CEP112: variants seen among roughly 807,000 people sequenced by gnomAD.
CEP112 encodes centrosomal protein of 112 kDa.
In CEP112, 127 loss-of-function variants were observed where a neutral mutation model predicts 153.0. That is an observed-to-expected ratio of 0.83 (90% confidence interval 0.72 to 0.96). The LOEUF (loss-of-function observed/expected upper bound fraction) is 0.96. Ranked by LOEUF, CEP112 falls within the 40% of genes least tolerant of loss-of-function variation. CEP112 has a pLI of 0.00. For missense variants in CEP112, 1,089 were observed against 1,101.2 expected, an observed-to-expected ratio of 0.99 and a Z score of 0.16; for synonymous variants, 358 against 374.4, an observed-to-expected ratio of 0.96 and a Z score of 0.51.
At chr17:65,905,690 G>C (rs1201367042) in intron 19 of CEP112, among the ~76,000 whole-genome samples, 1 of 152,214 alleles carries the variant, frequency 6.6e-6, no homozygotes, top group Non-Finnish European at 1.5e-5. Context: ...AGCACTTTGG[G>C]AGGCTGAGGC....
Position 65,950,699 on chromosome 17 carries a change from C to CTAGTAGTAG in CEP112, c.1872+10755_1872+10763dup, listed in dbSNP as rs111958511. 2.7e-3 allele frequency among the ~76,000 whole-genome samples: 391 copies of CTAGTAGTAG among 147,178 alleles called. 2 individuals carry two copies. The highest frequency in any genetic ancestry group is 7.0e-3 in the Middle Eastern group (2 of 284). On this transcript the variant is annotated intron_variant, in intron 18 of 26. Transcript: ENST00000535342. The stretch of plus-strand genomic sequence containing the variant: ...CTTTCTTTCCATTCTGGATACATTA[C>CTAGTAGTAG]TAGTAGTAGTAGTAGTAGTAGTAGT...
At chr17:65,840,780 C>T (rs1175904806) in intron 21 of CEP112, among the ~76,000 whole-genome samples, 1 of 151,806 alleles carries the variant, frequency 6.6e-6, no homozygotes, top group Non-Finnish European at 1.5e-5. Flanking sequence ...GATTAATAAC[C>T]AGAATTTATA....
intron 21 of CEP112, among the ~76,000 whole-genome samples, chr17:65,789,445 T>C (rs1234077683): frequency 6.6e-6 from 1 of 152,208 alleles, no homozygotes; most frequent in Non-Finnish European, 1.5e-5. Context: ...GCAATTTTCA[T>C]TGCTTCTTAG....
intron 17 of CEP112, among the ~76,000 whole-genome samples, chr17:65,966,832 G>A (rs2062432565): frequency 6.6e-6 from 1 of 152,158 alleles, no homozygotes; most frequent in Non-Finnish European, 1.5e-5. Flanking sequence ...TACTTCAACA[G>A]TCAGAAAGAA....
At chr17:65,732,269 CA>C (rs1413393359) in intron 23 of CEP112, among the ~76,000 whole-genome samples, 1 of 152,156 alleles carries the variant, frequency 6.6e-6, no homozygotes, top group African/African-American at 2.4e-5. Flanking sequence ...GGTTAATCAG[CA>C]GTAATTTTTT....
chr17:66,189,556 A>G (rs1290542324), intron 1 of CEP112, among the ~76,000 whole-genome samples: 1 of 151,968 alleles, frequency 6.6e-6, no homozygotes, highest in African/African-American at 2.4e-5. Flanking sequence ...GAATTGCTAT[A>G]TTGACATGCA....
chr17:66,031,074 A>G (rs1333225480), intron 12 of CEP112, among the ~76,000 whole-genome samples: 4 of 152,226 alleles, frequency 2.6e-5, no homozygotes, highest in African/African-American at 9.6e-5. Context: ...CTTTAAATGC[A>G]TACAATTCTA....
chr17:65,847,062 G>A (rs2057753585), intron 21 of CEP112, among the ~76,000 whole-genome samples: 1 of 152,182 alleles, frequency 6.6e-6, no homozygotes, highest in Non-Finnish European at 1.5e-5. Context: ...TATGGACTCT[G>A]AGGTTGGTGA....
chr17:65,709,959 C>T (rs998993969), intron 23 of CEP112, among the ~76,000 whole-genome samples: 13 of 152,138 alleles, frequency 8.5e-5, no homozygotes, highest in African/African-American at 2.9e-4. Flanking sequence ...ATTTCAGACC[C>T]CTAAGCATGG....
At chr17:66,094,967 T>C (rs1179953958) in intron 8 of CEP112, among the ~76,000 whole-genome samples, 1 of 152,124 alleles carries the variant, frequency 6.6e-6, no homozygotes, top group Non-Finnish European at 1.5e-5. Flanking sequence ...TCACACCTAT[T>C]AGAACGGCTA....
chr17:65,986,566 T>C (rs1315058577), intron 17 of CEP112, among the ~76,000 whole-genome samples: 1 of 152,176 alleles, frequency 6.6e-6, no homozygotes, highest in African/African-American at 2.4e-5. Flanking sequence ...ACAAATGATG[T>C]TGGTGTACTA....
intron 24 of CEP112, among the ~76,000 whole-genome samples, chr17:65,671,573 C>T (rs2046982882): frequency 6.6e-6 from 1 of 152,156 alleles, no homozygotes; most frequent in Admixed American, 6.5e-5. Context: ...AACAAACAGA[C>T]ATACTATATA....
At chr17:65,977,034 G>A (rs1046994688) in intron 17 of CEP112, among the ~76,000 whole-genome samples, 10 of 152,026 alleles carry the variant, frequency 6.6e-5, no homozygotes, top group African/African-American at 1.4e-4. Flanking sequence ...CACCAGGCCC[G>A]GCCACTTTTT....
intron 19 of CEP112, among the ~76,000 whole-genome samples, chr17:65,919,385 G>A (rs1360186164): frequency 1.3e-5 from 2 of 152,176 alleles, no homozygotes; most frequent in African/African-American, 2.4e-5. Context: ...CAAGGGCCCA[G>A]ATGCTCGGCG....
intron 21 of CEP112, among the ~76,000 whole-genome samples, chr17:65,770,629 G>A (rs1042459454): frequency 5.3e-5 from 8 of 151,952 alleles, no homozygotes; most frequent in Non-Finnish European, 2.9e-5. Flanking sequence ...AAAGACAATT[G>A]AATATTTAAA....
At chr17:66,033,097 AGATT>A (rs1181584441) in intron 12 of CEP112, among the ~76,000 whole-genome samples, 1 of 152,236 alleles carries the variant, frequency 6.6e-6, no homozygotes, top group Non-Finnish European at 1.5e-5. Flanking sequence ...TCTATGGATG[AGATT>A]GATTAAGGGA....
chr17:66,102,781 A>T (rs2068619680), intron 6 of CEP112, among the ~76,000 whole-genome samples: 1 of 145,380 alleles, frequency 6.9e-6, no homozygotes, highest in Non-Finnish European at 1.5e-5. Context: ...TGGGTAACAG[A>T]GCGAGACTCC....
chr17:65,955,295 T>C (rs966681959), intron 18 of CEP112, among the ~76,000 whole-genome samples: 3 of 150,682 alleles, frequency 2.0e-5, no homozygotes. Flanking sequence ...GACATAGTCT[T>C]TTCCAGAAAA....
chr17:65,775,492 AATTTT>A (rs1200623455), intron 21 of CEP112, among the ~76,000 whole-genome samples: 7 of 140,800 alleles, frequency 5.0e-5, no homozygotes, highest in African/African-American at 1.8e-4. Context: ...TAATTTTTAA[AATTTT>A]ATTTTAAATT....
Sources: allele counts gnomAD v4.1 joint callset (sites outside exome capture counted in the v4.1 genomes callset), GRCh38; gene constraint gnomAD v4.1.1; transcripts MANE v1.5; gene names NCBI Gene and HGNC (gene_info 2026-07-23, HGNC 2026-07-21).